The following CDS2 variants were observed in gnomAD, a reference collection of about 807,000 sequenced individuals.
CDS2 encodes the protein phosphatidate cytidylyltransferase 2.
In CDS2, 47 loss-of-function variants were observed where a neutral mutation model predicts 59.0. The ratio of observed to expected loss-of-function variants is 0.80; its 90% CI spans 0.63 to 1.02. The LOEUF is 1.02. Ranked by LOEUF, CDS2 falls within the 50% of genes least tolerant of loss-of-function variation. CDS2 has a pLI of 0.00. For missense variants in CDS2, 356 were observed against 558.9 expected (o/e 0.64, Z 3.66); for synonymous variants, 207 against 206.4 (o/e 1.00, Z -0.02).
At chr20:5,169,880 A>G (rs558260356) in intron 1 of CDS2, among the ~76,000 whole-genome samples, 2 of 152,312 alleles carry the variant, frequency 1.3e-5, no homozygotes, top group East Asian at 3.9e-4. Context: ...TGCTGTGCCC[A>G]GATCATTTAT....
intron 1 of CDS2, among the ~76,000 whole-genome samples, chr20:5,147,509 T>G (rs1483946339): frequency 6.6e-6 from 1 of 152,052 alleles, no homozygotes; most frequent in Non-Finnish European, 1.5e-5. Flanking sequence ...GTGTGGTAAA[T>G]AGAGGGATTA....
intron 1 of CDS2, among the ~76,000 whole-genome samples, chr20:5,144,002 TGA>T (rs2090718753): frequency 6.6e-6 from 1 of 152,110 alleles, no homozygotes; most frequent in Non-Finnish European, 1.5e-5. Context: ...TGGCCTCAAG[TGA>T]TCCGCCCACC....
rs567754130 is a variant in CDS2, at chr20:5,165,442, T to G, written c.58-8081T>G. 9.2e-5 allele frequency among the ~76,000 whole-genome samples: 14 copies of G among 152,344 alleles called. No individual in the cohort carries two copies. In the South Asian group the frequency reaches 2.7e-3, roughly 29 times the overall value. ...CTGCCTCTGCAGATGTGGTTCTAGGTGCCAGGCCAGGTGCTGGGGGTACAG... is the reference window on the plus strand; with the variant it reads ...CTGCCTCTGCAGATGTGGTTCTAGGGGCCAGGCCAGGTGCTGGGGGTACAG... On this transcript the variant is annotated intron_variant, in intron 1 of 12. Transcript: ENST00000460006.
chr20:5,185,698 T>G, intron 8 of CDS2, 60 bp from the exon 9 acceptor site: 3 of 1,443,664 alleles, frequency 2.1e-6, no homozygotes, highest in Non-Finnish European at 2.9e-6. Context: ...AAGTAATCAT[T>G]GTTCGCAAAG....
chr20:5,173,504 CT>C lies in CDS2; in HGVS notation c.58-18del. The C allele has an allele frequency of 1.2e-6, 2 of 1,613,688 alleles. No homozygotes were observed. Among genetic ancestry groups the C allele is most frequent in the Non-Finnish European group, 1.7e-6 (2 of 1,179,612 alleles). ...TCGGCACTTTTGACCTTTTTCTCTT[CT>C]GTATTTCTGCCACTTAGGAGTCAGA... is the stretch of plus-strand genomic sequence containing the variant. On this transcript the variant is annotated intron_variant, in intron 1 of 12. Transcript: ENST00000460006.
chr20:5,184,329 G>A lies in CDS2; in HGVS notation c.672-529G>A, dbSNP rs909220126. On this transcript the variant is annotated intron_variant, in intron 7 of 12. Transcript: ENST00000460006. The surrounding 1 kb of genome is among the most constrained non-coding windows in gnomAD (Gnocchi z 4.3). The stretch of plus-strand genomic sequence containing the variant: ...GGGCAGAGGGGAAATCTAGCTGTGC[G>A]TGTTGGGGTTTCACACTCAAATACA... Among the ~76,000 whole-genome samples the A allele has an allele frequency of 4.6e-5, 7 of 152,168 alleles. No individual in the cohort carries two copies. Among genetic ancestry groups the A allele is most frequent in the Admixed American group, 1.3e-4 (2 of 15,278 alleles).
chr20:5,133,321 A>G (rs1337193440), intron 1 of CDS2, among the ~76,000 whole-genome samples: 3 of 152,092 alleles, frequency 2.0e-5, no homozygotes, highest in Non-Finnish European at 4.4e-5. Context: ...GCACAGTCAT[A>G]GCTCACTACA....
In CDS2 at chr20:5,160,928, A is replaced by G. The variant is rs116270809; in HGVS notation, c.58-12595A>G. 3.1e-3 allele frequency among the ~76,000 whole-genome samples: 478 copies of G among 152,324 alleles called. 2 individuals carry two copies. The highest frequency in any genetic ancestry group is 0.011 in the African/African-American group (449 of 41,572). ...GAATAATATGCCACTGTATATGTAT[A>G]CTACATTTTGTTCATTCCTTTGTTG... is the stretch of plus-strand genomic sequence containing the variant. On this transcript the variant is annotated intron_variant, in intron 1 of 12. Coordinates refer to ENST00000460006, the MANE Select transcript of CDS2 (RefSeq NM_003818.4).
rs746235838 is a variant in CDS2, at chr20:5,190,171, C to T, written c.1275C>T (p.Phe425=). 4 of 1,614,050 alleles carry T rather than the reference C, an allele frequency of 2.5e-6. No homozygotes were observed. The highest frequency in any genetic ancestry group is 3.4e-6 in the Non-Finnish European group (4 of 1,179,944). Residue 425 remains phenylalanine, a synonymous_variant, in exon 13 of 13, where the codon TTC becomes TTT. Coordinates refer to ENST00000460006, the MANE Select transcript of CDS2 (RefSeq NM_003818.4). ...TLRPDQQLHI[F]NTLRSHLIDK... ...GGCCAGATCAGCAGCTCCACATCTT[C>T]AACACGCTGCGGTCTCATCTGATCG...
intron 1 of CDS2, among the ~76,000 whole-genome samples, chr20:5,170,730 A>C (rs1272797375): frequency 1.3e-5 from 2 of 152,250 alleles, no homozygotes; most frequent in Non-Finnish European, 1.5e-5. Flanking sequence ...ACTTAAAGGT[A>C]GCAAAAACCT....
chr20:5,139,390 T>C (rs1482664775), intron 1 of CDS2, among the ~76,000 whole-genome samples: 1 of 152,198 alleles, frequency 6.6e-6, no homozygotes, highest in South Asian at 2.1e-4. Flanking sequence ...GAAATGCTAC[T>C]GATTTTTGTA....
intron 1 of CDS2, among the ~76,000 whole-genome samples, chr20:5,157,288 G>C (rs2090840940): frequency 6.6e-6 from 1 of 152,196 alleles, no homozygotes. Flanking sequence ...GGTAGGTGCA[G>C]ACTTTGTAAA....
At position 5,184,054 on chromosome 20, in the gene CDS2, C is replaced by T. The variant is rs2091050170; in HGVS notation, c.672-804C>T. 6.6e-6 allele frequency among the ~76,000 whole-genome samples: 1 copy of T among 152,026 alleles called. No homozygotes were observed. The highest frequency in any genetic ancestry group is 6.6e-5 in the Admixed American group (1 of 15,258). On this transcript the variant is annotated intron_variant, in intron 7 of 12. Coordinates refer to ENST00000460006, the MANE Select transcript of CDS2 (RefSeq NM_003818.4). The surrounding 1 kb of genome is among the most constrained non-coding windows in gnomAD (Gnocchi z 4.3). ...GCAGGTGCCTGTAATCCTAGCTATT[C>T]CGGAGGCTGAGGCAGGAGAATCACT... is the stretch of plus-strand genomic sequence containing the variant.
At chr20:5,190,061 C>CG (rs1302333008) in intron 12 of CDS2, 41 bp from the exon 13 acceptor site, 1 of 1,603,386 alleles carries the variant, frequency 6.2e-7, no homozygotes, top group East Asian at 2.2e-5. Flanking sequence ...TGGAAGCTTC[C>CG]GGGCCCTAGC....
intron 5 of CDS2, among the ~76,000 whole-genome samples, chr20:5,181,721 T>C (rs774364988): frequency 2.0e-5 from 3 of 152,252 alleles, no homozygotes; most frequent in Admixed American, 6.5e-5. Context: ...TATAGCCTCC[T>C]ACACACCTAG....
chr20:5,184,887 G>A lies in CDS2; in HGVS notation c.701G>A (p.Cys234Tyr). 3.1e-6 allele frequency: 5 copies of A among 1,613,984 alleles called. No individual in the cohort carries two copies. Among genetic ancestry groups the A allele is most frequent in the Non-Finnish European group, 4.2e-6 (5 of 1,179,904 alleles). ...ATTGTCCCCATATCTTGTGTGATCT[G>A]TAATGACATCATGGCCTATATGTTT... Reference protein sequence around the residue: ...WFIVPISCVICNDIMAYMFGF... With the variant: ...WFIVPISCVIYNDIMAYMFGF... Residue 234 changes from cysteine (C) to tyrosine (Y), a missense_variant, in exon 8 of 13, where the codon TGT becomes TAT. By Grantham distance (194) the Cys-to-Tyr change is radical (BLOSUM62 -2). Coordinates refer to ENST00000460006, the MANE Select transcript of CDS2 (RefSeq NM_003818.4). This position sits in a 1 kb window ranked among gnomAD's most constrained non-coding sequence, Gnocchi z 4.3.
intron 3 of CDS2, chr20:5,176,387 T>C: frequency 2.6e-6 from 1 of 383,122 alleles, no homozygotes; most frequent in South Asian, 3.3e-5. Context: ...TGAAACCCTG[T>C]CTTAAAAAAA....
At chr20:5,131,195 A>T (rs2090605212) in intron 1 of CDS2, among the ~76,000 whole-genome samples, 1 of 152,182 alleles carries the variant, frequency 6.6e-6, no homozygotes, top group African/African-American at 2.4e-5. Flanking sequence ...ATAGAAAATC[A>T]TTAGTATCAA....
intron 1 of CDS2, among the ~76,000 whole-genome samples, chr20:5,172,276 A>C (rs1297784801): frequency 6.6e-6 from 1 of 152,220 alleles, no homozygotes; most frequent in Non-Finnish European, 1.5e-5. Flanking sequence ...AGAAGGTTCT[A>C]GTGTTAAGAG....
Sources: gnomAD v4.1 joint callset for allele counts (sites outside exome capture counted in the v4.1 genomes callset) on GRCh38, gnomAD v4.1.1 for gene constraint, Gnocchi (gnomAD v3.1) non-coding constraint, MANE v1.5 for transcripts, NCBI Gene and HGNC (gene_info 2026-07-23, HGNC 2026-07-21) for gene names.